Variants in DCAF4 observed in about 807,000 individuals in gnomAD.
DCAF4 encodes the protein DDB1 and CUL4 associated factor 4.
DCAF4 carries 37 observed loss-of-function variants against 60.9 expected under a neutral mutation model. That is an observed-to-expected ratio of 0.61 (90% CI 0.47 to 0.80). The LOEUF is 0.80. Among genes scored for constraint, DCAF4 ranks in the 30% least tolerant of loss-of-function variants. The pLI is 0.00. For synonymous variants in DCAF4, 243 were observed against 254.8 expected (o/e 0.95, Z 0.44); for missense variants, 577 against 650.0 (o/e 0.89, Z 1.22).
intron 8 of DCAF4, among the ~76,000 whole-genome samples, chr14:72,949,796 T>TA (rs373044182): frequency 6.6e-6 from 1 of 152,234 alleles, no homozygotes; most frequent in Admixed American, 6.5e-5. Context: ...AGAAGATTTT[T>TA]AAAAGTTACA....
In DCAF4 at chr14:72,937,889, A is replaced by T. The variant is rs1594748710; in HGVS notation, c.-8-82A>T. ...GGCCAGCCTTTTGCTGGTGCTGAGC[A>T]TGAAGCAGCTGCCAAGAAGCAAACA... is the stretch of plus-strand genomic sequence containing the variant. On this transcript the variant is annotated intron_variant, in intron 1 of 13. Transcript: ENST00000358377. The T allele has an allele frequency of 3.4e-6, 5 of 1,466,628 alleles. No homozygotes were observed. In the East Asian group the frequency reaches 1.2e-4, roughly 36 times the overall value. The allele number at this position is 1,466,628 out of a possible 1,614,324, so 90.9% of individuals were successfully genotyped here. A position where few individuals can be genotyped will look rare whatever the true frequency, so the allele number is the denominator to read the frequency against.
At chr14:72,942,063 C>T (rs741227) in intron 5 of DCAF4, 26,339 of 471,080 alleles carry the variant, frequency 0.056, 947 homozygotes, top group Non-Finnish European at 0.075. Flanking sequence ...AGGATGGGGA[C>T]GTAGGCAGAG....
In DCAF4 at chr14:72,939,888, C is replaced by T. The variant is rs1276349743; in HGVS notation, c.179C>T (p.Thr60Ile). ...SPSTSSGTAG[T>I]SSVPELPGFY... ...TCAACCTCGTCTGGCACAGCTGGGA[C>T]CTCCTCTGTGCCAGGTAAGGCCACT... is the stretch of plus-strand genomic sequence containing the variant. Residue 60 changes from threonine to isoleucine, a missense_variant, in exon 3 of 14, where the codon ACC becomes ATC. Transcript: ENST00000358377. 5 of 1,608,918 alleles carry T rather than the reference C, an allele frequency of 3.1e-6. No individual in the cohort carries two copies. Among genetic ancestry groups the T allele is most frequent in the Non-Finnish European group, 4.2e-6 (5 of 1,177,812 alleles).
rs116596122 is a variant in DCAF4 at position 72,935,619 on chromosome 14, G to A, written c.-8-2352G>A. Among the ~76,000 whole-genome samples, 819 of 152,330 alleles carry A rather than the reference G, an allele frequency of 5.4e-3. 9 individuals are homozygous for A. Among genetic ancestry groups the A allele is most frequent in the African/African-American group, 0.018 (764 of 41,582 alleles). ...TTGAGGTTGGCAGGCTCCCTTACCA[G>A]ATTGCAGTGCCTGTATGAGTTAGGG... On this transcript the variant is annotated intron_variant, in intron 1 of 13. Transcript: ENST00000358377.
intron 4 of DCAF4, chr14:72,940,592 T>TTG (rs1174117253): frequency 4.0e-6 from 1 of 251,170 alleles, no homozygotes; most frequent in African/African-American, 3.6e-5. Flanking sequence ...CGATAAGTTG[T>TTG]TTTTTTTTTT....
Position 72,930,259 on chromosome 14 carries a change from G to C in DCAF4, c.-9+3716G>C, listed in dbSNP as rs550489803. ...GTGTAGCTTTTTCTTTTTTTTTTTTGAGACGGAGTTTTTTTTGTTTGTTTT... is the reference window on the plus strand; with the variant it reads ...GTGTAGCTTTTTCTTTTTTTTTTTTCAGACGGAGTTTTTTTTGTTTGTTTT... On this transcript the variant is annotated intron_variant, in intron 1 of 13. Transcript: ENST00000358377. Among the ~76,000 whole-genome samples the C allele has an allele frequency of 2.2e-4, 20 of 89,314 alleles. No homozygotes were observed. The South Asian group carries it at 6.3e-3, about 28-fold the overall frequency. 58.6% of individuals were successfully genotyped at this position (89,314 alleles called of 152,430 possible).
intron 1 of DCAF4, among the ~76,000 whole-genome samples, chr14:72,928,666 G>GT (rs1367134545): frequency 2.6e-5 from 4 of 151,422 alleles, no homozygotes; most frequent in Non-Finnish European, 4.4e-5. Context: ...AATCCAGTGG[G>GT]TTTTTTTATT....
At chr14:72,948,188 G>GTTT (rs1567316645) in intron 8 of DCAF4, among the ~76,000 whole-genome samples, 2 of 151,706 alleles carry the variant, frequency 1.3e-5, no homozygotes, top group African/African-American at 4.8e-5. Flanking sequence ...AGTTTTTTTG[G>GTTT]ATTTTAATTT....
intron 1 of DCAF4, among the ~76,000 whole-genome samples, chr14:72,929,178 A>C (rs888560954): frequency 1.3e-5 from 2 of 148,512 alleles, no homozygotes; most frequent in Non-Finnish European, 1.5e-5. Flanking sequence ...CCAGGCCTGG[A>C]ATGGTGCCCT....
At position 72,955,647 on chromosome 14, in the gene DCAF4, G is replaced by T. The variant is rs371098154; in HGVS notation, c.1130G>T (p.Arg377Leu). The change falls in exon 12 of 14, where the codon CGG (arginine) becomes CTG (leucine). Residue 377 changes from arginine (R) to leucine (L), a missense_variant. By Grantham distance (102) the Arg-to-Leu change is moderately radical (BLOSUM62 -2). Coordinates refer to ENST00000358377, the MANE Select transcript of DCAF4 (RefSeq NM_015604.4). ...CATGATTCAGCAGTGACCTCTGTGC[G>T]GATCCTCCAAGATGAGCAATACCTG... is the stretch of plus-strand genomic sequence containing the variant. ...LFHDSAVTSV[R>L]ILQDEQYLMA... The T allele has an allele frequency of 1.2e-6, 2 of 1,614,112 alleles. No individual in the cohort carries two copies. The highest frequency in any genetic ancestry group is 1.7e-6 in the Non-Finnish European group (2 of 1,179,990).
chr14:72,932,512 G>A (rs1888705862), intron 1 of DCAF4, among the ~76,000 whole-genome samples: 1 of 152,178 alleles, frequency 6.6e-6, no homozygotes, highest in Non-Finnish European at 1.5e-5. Flanking sequence ...CATTGCCTTT[G>A]CAGAATAGTA....
chr14:72,954,072 G>T, intron 9 of DCAF4, 92 bp from the exon 10 acceptor site: 1 of 1,338,800 alleles, frequency 7.5e-7, no homozygotes, highest in South Asian at 1.2e-5. Context: ...CCTCTGAGCA[G>T]CTATGGGCAT....
chr14:72,950,661 A>G (rs947651788), intron 8 of DCAF4, among the ~76,000 whole-genome samples: 3 of 152,102 alleles, frequency 2.0e-5, no homozygotes, highest in Admixed American at 1.3e-4. Context: ...GGGAACTCCA[A>G]CGACTATGCT....
intron 8 of DCAF4, 72 bp from the exon 9 acceptor site, chr14:72,951,726 T>C: frequency 6.8e-7 from 1 of 1,479,772 alleles, no homozygotes; most frequent in Middle Eastern, 1.7e-4. Flanking sequence ...TATGACTTTC[T>C]GAAGGGTAAA....
intron 3 of DCAF4, 107 bp from the exon 4 acceptor site, chr14:72,940,113 A>G: frequency 2.0e-6 from 3 of 1,467,250 alleles, no homozygotes; most frequent in Non-Finnish European, 2.8e-6. Context: ...CCCCGCCCTC[A>G]GAAAAGACAG....
chr14:72,946,881 T>C (rs1890807532), intron 7 of DCAF4, among the ~76,000 whole-genome samples: 1 of 152,220 alleles, frequency 6.6e-6, no homozygotes, highest in Non-Finnish European at 1.5e-5. Flanking sequence ...GCTTATCTCC[T>C]GCCATTGTAG....
Position 72,953,818 on chromosome 14 carries a change from GTGTGTGTGTGTA to G in DCAF4, c.809-344_809-333del, listed in dbSNP as rs1159810084. ...TGTGTGTGTGTGTGTGTGTGTGTGT[GTGTGTGTGTGTA>G]TATACACACACACTTGCCTGAGATC... On this transcript the variant is annotated intron_variant, in intron 9 of 13. Transcript: ENST00000358377. 7.6e-3 allele frequency among the ~76,000 whole-genome samples: 912 copies of G among 119,684 alleles called. 23 individuals are homozygous for G. Among genetic ancestry groups the G allele is most frequent in the African/African-American group, 0.024 (757 of 31,914 alleles). The allele number at this position is 119,684 out of a possible 152,430, so 78.5% of individuals were successfully genotyped here.
At chr14:72,956,682 T>C in intron 13 of DCAF4, 182 bp downstream of exon 13, 1 of 554,250 alleles carries the variant, frequency 1.8e-6, no homozygotes, top group Non-Finnish European at 3.2e-6. Context: ...TAATCAGGAG[T>C]GTAAATAAAT....
At chr14:72,958,465 C>T (rs1892575789) in intron 13 of DCAF4, 147 bp from the exon 14 acceptor site, 5 of 928,594 alleles carry the variant, frequency 5.4e-6, no homozygotes, top group South Asian at 3.4e-5. Context: ...TTGGGTTATC[C>T]GTAGAAATAC....
Sources: allele counts gnomAD v4.1 joint callset (sites outside exome capture counted in the v4.1 genomes callset), GRCh38; gene constraint gnomAD v4.1.1; transcripts MANE v1.5; gene names NCBI Gene and HGNC (gene_info 2026-07-23, HGNC 2026-07-21).